Variants in PADI6 observed in about 807,000 individuals in gnomAD.
The protein encoded by PADI6 is inactive protein-arginine deiminase type-6.
PADI6 carries 66 observed loss-of-function variants against 78.2 expected under a neutral mutation model. The ratio of observed to expected loss-of-function variants is 0.84; its 90% CI spans 0.69 to 1.04. The LOEUF (loss-of-function observed/expected upper bound fraction) is 1.04, where lower values mean the gene tolerates loss of function less well. PADI6 is among the 50% of genes least tolerant of loss of function. PADI6 has a pLI of 0.00. For synonymous variants in PADI6, 397 were observed against 346.9 expected, an observed-to-expected ratio of 1.14 and a Z score of -1.60; for missense variants, 854 against 866.1, an observed-to-expected ratio of 0.99 and a Z score of 0.18.
At chr1:17,374,424 G>C (rs1020152850) in intron 2 of PADI6, among the ~76,000 whole-genome samples, 1 of 152,126 alleles carries the variant, frequency 6.6e-6, no homozygotes, top group Non-Finnish European at 1.5e-5. Flanking sequence ...TCGGGAGTTT[G>C]AGACCAGCCT....
rs766389713 is a variant in PADI6, at chr1:17,394,982, C to T, written c.1369C>T (p.Arg457Ter). ...GGGCCGGGCCATGAGTAAGACCCTC[C>T]GAGACTTCCTCTATGCCCAGCAGGT... ...AEGRAMSKTL[R>*]DFLYAQQVQA... The change falls in exon 12 of 16, where the codon CGA becomes TGA. Residue 457 changes from arginine to a stop codon, truncating the protein, a stop_gained. Transcript: ENST00000619609. LOFTEE classifies it high-confidence loss of function. The T allele has an allele frequency of 9.3e-6, 15 of 1,613,078 alleles. No individual in the cohort carries two copies. Among genetic ancestry groups the T allele is most frequent in the South Asian group, 2.2e-5 (2 of 91,028 alleles).
chr1:17,387,486 C>T (rs1275333001), intron 6 of PADI6, among the ~76,000 whole-genome samples: 1 of 151,780 alleles, frequency 6.6e-6, no homozygotes, highest in Non-Finnish European at 1.5e-5. Flanking sequence ...TGGTAGCTCA[C>T]ACCTGTAATC....
In PADI6 at chr1:17,381,852, C is replaced by CA. The variant is rs201403576; in HGVS notation, c.554-114dup. On this transcript the variant is annotated intron_variant, in intron 5 of 15. Coordinates refer to ENST00000619609, the MANE Select transcript of PADI6 (RefSeq NM_207421.4). ...TTCGGGCCTGGGCCCTAGCAAAAGG[C>CA]AGGGGGTCCTTGGTGCTCTGTTCAA... 2.2e-4 allele frequency: 275 copies of CA among 1,255,654 alleles called. 1 individual carries two copies. Among genetic ancestry groups the CA allele is most frequent in the Non-Finnish European group, 9.6e-5 (85 of 885,116 alleles). 77.8% of individuals were successfully genotyped at this position (1,255,654 alleles called of 1,614,324 possible).
chr1:17,388,265 C>A, intron 6 of PADI6, 116 bp from the exon 7 acceptor site: 1 of 988,448 alleles, frequency 1.0e-6, no homozygotes, highest in Non-Finnish European at 1.4e-6. Context: ...AGCTCCAGCC[C>A]TCCTGGAACT....
At chr1:17,397,519 A>G (rs1206319855) in intron 14 of PADI6, among the ~76,000 whole-genome samples, 1 of 152,142 alleles carries the variant, frequency 6.6e-6, no homozygotes, top group Non-Finnish European at 1.5e-5. Flanking sequence ...TTACTTGCAG[A>G]TACTGTCAGA....
Position 17,398,676 on chromosome 1 carries a change from C to T in PADI6, c.1690-10C>T. On this transcript the variant is annotated splice_polypyrimidine_tract_variant and intron_variant, in intron 14 of 15. Transcript: ENST00000619609. ...CCCGCCCCCCCCCCCACCCACCCAC[C>T]CACCCACAGAAGTGCATTCACCTGA... The T allele has an allele frequency of 2.8e-6, 1 of 354,588 alleles. No homozygotes were observed. Among genetic ancestry groups the T allele is most frequent in the African/African-American group, 2.4e-5 (1 of 41,070 alleles). The allele number at this position is 354,588 out of a possible 1,614,324, so 22.0% of individuals were successfully genotyped here.
chr1:17,396,109 G>A (rs987837697), intron 13 of PADI6, among the ~76,000 whole-genome samples: 2 of 152,172 alleles, frequency 1.3e-5, no homozygotes, highest in African/African-American at 4.8e-5. Flanking sequence ...GAGTGGGCTG[G>A]GCATGGTGGC....
At chr1:17,384,144 A>C (rs1021684074) in intron 6 of PADI6, among the ~76,000 whole-genome samples, 1 of 149,518 alleles carries the variant, frequency 6.7e-6, no homozygotes, top group Admixed American at 6.7e-5. Context: ...CTCTGTCTCA[A>C]AAAAAAAAAC....
chr1:17,387,508 G>C (rs2075133631), intron 6 of PADI6, among the ~76,000 whole-genome samples: 1 of 152,130 alleles, frequency 6.6e-6, no homozygotes, highest in African/African-American at 2.4e-5. Context: ...CAGCACTTTG[G>C]GAGGTCCGAG....
chr1:17,395,214 T>C, intron 12 of PADI6, 107 bp downstream of exon 12: 1 of 1,277,314 alleles, frequency 7.8e-7, no homozygotes, highest in Non-Finnish European at 1.0e-6. Flanking sequence ...TTTTTTTTTT[T>C]GTTTGTTTTT....
intron 3 of PADI6, among the ~76,000 whole-genome samples, chr1:17,378,961 G>C (rs1398168061): frequency 1.4e-5 from 2 of 143,672 alleles, no homozygotes; most frequent in Non-Finnish European, 3.1e-5. Flanking sequence ...TTTTTGGGGG[G>C]GGGGACAGAA....
intron 12 of PADI6, 112 bp downstream of exon 12, chr1:17,395,219 G>GT: frequency 1.5e-6 from 2 of 1,330,850 alleles, no homozygotes; most frequent in Non-Finnish European, 2.0e-6. Context: ...TTTTTTGTTT[G>GT]TTTTTTGAGA....
Position 17,401,572 on chromosome 1 carries a change from G to T in PADI6, c.*134G>T. The T allele has an allele frequency of 1.2e-6, 1 of 845,708 alleles. No homozygotes were observed. The highest frequency in any genetic ancestry group is 1.8e-6 in the Non-Finnish European group (1 of 553,480). The allele number at this position is 845,708 out of a possible 1,614,324, so 52.4% of individuals were successfully genotyped here. A position where few individuals can be genotyped will look rare whatever the true frequency, so the allele number is the denominator to read the frequency against. ...GAACCCTTTCTTCCCTGTCTGCCCC[G>T]ACCGACCCTCGGACCCAGTAGGATG... On this transcript the variant is annotated 3_prime_UTR_variant, in exon 16 of 16. Transcript: ENST00000619609.
intron 6 of PADI6, 28 bp from the exon 7 acceptor site, chr1:17,388,353 G>T (rs946085282): frequency 6.3e-7 from 1 of 1,580,534 alleles, no homozygotes. Flanking sequence ...TACTTCAGTG[G>T]CTGGTCCATC....
chr1:17,373,120 G>T lies in PADI6; in HGVS notation c.181G>T (p.Ala61Ser), dbSNP rs1266784564. ...HGSGRVLIDV[A>S]NTVISEKEDA... ...CTCTGGGAGGGTCTTGATCGATGTG[G>T]CCAACACGGTGATTTCTGAGAAGGA... The change falls in exon 2 of 16, where the codon GCC (alanine) becomes TCC (serine). Residue 61 changes from alanine to serine, a missense_variant. Physicochemically the swap from Ala to Ser is moderately conservative, Grantham distance 99. Coordinates refer to ENST00000619609, the MANE Select transcript of PADI6 (RefSeq NM_207421.4). 4 of 1,614,016 alleles carry T rather than the reference G, an allele frequency of 2.5e-6. No homozygotes were observed. The South Asian group carries it at 4.4e-5, about 18-fold the overall frequency.
rs777386321 is a variant in PADI6 at position 17,397,056 on chromosome 1, C to T, written c.1619-15C>T. The T allele has an allele frequency of 1.1e-5, 17 of 1,612,906 alleles. No homozygotes were observed. Among genetic ancestry groups the T allele is most frequent in the Middle Eastern group, 1.7e-4 (1 of 6,030 alleles). ...TTCCCTGACCAGCAGGCCTGCTGCC[C>T]GCTTCTTCCTACAGGAAGGGAAGCC... On this transcript the variant is annotated splice_polypyrimidine_tract_variant and intron_variant, in intron 13 of 15. Coordinates refer to ENST00000619609, the MANE Select transcript of PADI6 (RefSeq NM_207421.4).
At position 17,394,962 on chromosome 1, in the gene PADI6, G is replaced by A. The variant is rs375910439; in HGVS notation, c.1349G>A (p.Arg450Gln). 1.5e-4 allele frequency: 245 copies of A among 1,611,442 alleles called. No homozygotes were observed. The highest frequency in any genetic ancestry group is 1.9e-4 in the Non-Finnish European group (228 of 1,179,388). The change falls in exon 12 of 16, where the codon CGG becomes CAG. Residue 450 changes from arginine (R) to glutamine (Q), a missense_variant. Coordinates refer to ENST00000619609, the MANE Select transcript of PADI6 (RefSeq NM_207421.4). ...GSSFYPSAEGRAMSKTLRDFL... is the reference protein window; with the variant it reads ...GSSFYPSAEGQAMSKTLRDFL... ...CATCTTCCTTCTAGCGCAGAGGGCCGGGCCATGAGTAAGACCCTCCGAGAC... is the reference window on the plus strand; with the variant it reads ...CATCTTCCTTCTAGCGCAGAGGGCCAGGCCATGAGTAAGACCCTCCGAGAC...
chr1:17,372,494 G>GTC, intron 1 of PADI6, 133 bp downstream of exon 1: 1 of 834,204 alleles, frequency 1.2e-6, no homozygotes, highest in Middle Eastern at 2.7e-4. Context: ...GAAGCCTTGG[G>GTC]TCTCTAGTGG....
At chr1:17,395,199 G>GTTTTTTTTTTTTTT in intron 12 of PADI6, 92 bp downstream of exon 12, 1 of 1,258,810 alleles carries the variant, frequency 7.9e-7, no homozygotes, top group Non-Finnish European at 1.1e-6. Flanking sequence ...GCTTTTTCTT[G>GTTTTTTTTTTTTTT]TTTTTTTTTT....
Sources: allele counts gnomAD v4.1 joint callset (sites outside exome capture counted in the v4.1 genomes callset), GRCh38; gene constraint gnomAD v4.1.1; transcripts MANE v1.5; gene names NCBI Gene and HGNC (gene_info 2026-07-23, HGNC 2026-07-21).